KIAA1217: variants seen among roughly 807,000 people sequenced by gnomAD.
KIAA1217 encodes the protein sickle tail protein homolog.
A neutral mutation model predicts 163.9 loss-of-function variants in KIAA1217; 88 were observed. The ratio of observed to expected loss-of-function variants is 0.54; its 90% confidence interval spans 0.45 to 0.64. The LOEUF (loss-of-function observed/expected upper bound fraction) is 0.64, where lower values mean the gene tolerates loss of function less well. Ranked by LOEUF, KIAA1217 falls within the 30% of genes least tolerant of loss-of-function variation. The pLI, the probability that KIAA1217 is intolerant of heterozygous loss-of-function variation, is 0.00. For missense variants in KIAA1217, 2,372 were observed against 2,475.0 expected (o/e 0.96, Z 0.88); for synonymous variants, 903 against 923.1 (o/e 0.98, Z 0.39).
At chr10:24,507,271 A>G (rs2068495593) in intron 9 of KIAA1217, among the ~76,000 whole-genome samples, 1 of 152,228 alleles carries the variant, frequency 6.6e-6, no homozygotes, top group African/African-American at 2.4e-5. Context: ...CATGCCCAAT[A>G]TCCACTCAAA....
intron 1 of KIAA1217, among the ~76,000 whole-genome samples, chr10:23,795,897 T>C (rs1480716132): frequency 6.6e-6 from 1 of 152,244 alleles, no homozygotes; most frequent in African/African-American, 2.4e-5. Flanking sequence ...CCAAAACACC[T>C]TGTGACTCTG....
intron 1 of KIAA1217, among the ~76,000 whole-genome samples, chr10:23,850,169 C>T (rs1275846123): frequency 6.6e-6 from 1 of 152,054 alleles, no homozygotes; most frequent in Admixed American, 6.6e-5. Flanking sequence ...ATTGTTCTAA[C>T]ATACAGGATC....
At chr10:24,384,531 CAA>C in intron 3 of KIAA1217, among the ~76,000 whole-genome samples, 1 of 152,116 alleles carries the variant, frequency 6.6e-6, no homozygotes, top group Non-Finnish European at 1.5e-5. Flanking sequence ...TGGATTTGGA[CAA>C]AGAGGCTGTC....
At chr10:24,290,794 G>A (rs2079018313) in intron 2 of KIAA1217, among the ~76,000 whole-genome samples, 11 of 151,900 alleles carry the variant, frequency 7.2e-5, no homozygotes, top group Admixed American at 7.2e-4. Context: ...GTGAGACAGG[G>A]TTTCACCATG....
At chr10:24,529,214 G>A (rs1162515629) in intron 14 of KIAA1217, among the ~76,000 whole-genome samples, 1 of 152,022 alleles carries the variant, frequency 6.6e-6, no homozygotes, top group Non-Finnish European at 1.5e-5. Flanking sequence ...TTAGTTCCAG[G>A]ACTCCCATTG....
intron 2 of KIAA1217, among the ~76,000 whole-genome samples, chr10:24,362,983 A>G (rs1437387480): frequency 6.6e-6 from 1 of 152,102 alleles, no homozygotes; most frequent in Non-Finnish European, 1.5e-5. Context: ...TTTGTGAACA[A>G]AAGTGGAACT....
At chr10:24,370,633 A>G (rs967751347) in intron 2 of KIAA1217, among the ~76,000 whole-genome samples, 3 of 152,160 alleles carry the variant, frequency 2.0e-5, no homozygotes, top group African/African-American at 7.2e-5. Flanking sequence ...GCTGGAGTAC[A>G]GTGGCATGAT....
At chr10:23,858,133 G>A (rs1041490339) in intron 1 of KIAA1217, among the ~76,000 whole-genome samples, 2 of 151,946 alleles carry the variant, frequency 1.3e-5, no homozygotes, top group African/African-American at 4.8e-5. Context: ...CTCAAGAAAC[G>A]GGAGCCAAGG....
At position 24,524,735 on chromosome 10, in the gene KIAA1217, A is replaced by G; in HGVS notation, c.2869A>G (p.Ser957Gly). 6.2e-7 allele frequency: 1 copy of G among 1,606,346 alleles called. No homozygotes were observed. The highest frequency in any genetic ancestry group is 1.1e-5 in the South Asian group (1 of 90,432). Residue 957 changes from serine (S) to glycine (G), a missense_variant, in exon 13 of 21, where the codon AGT becomes GGT. Physicochemically the swap from Ser to Gly is moderately conservative, Grantham distance 56 (BLOSUM62 0). Coordinates refer to ENST00000376454, the MANE Select transcript of KIAA1217 (RefSeq NM_019590.5). ...GTTCATTGAAGAAATCCACAGTGTG[A>G]GTGCCAAGAACAGGGCAGTGTCTAT... ...SLFIEEIHSV[S>G]AKNRAVSIEK...
At chr10:24,528,680 A>G (rs1166428269) in intron 14 of KIAA1217, among the ~76,000 whole-genome samples, 1 of 152,122 alleles carries the variant, frequency 6.6e-6, no homozygotes, top group African/African-American at 2.4e-5. Flanking sequence ...CTGTGTTAGG[A>G]TTCTAGAATA....
chr10:23,799,353 G>T (rs1017709288), intron 1 of KIAA1217, among the ~76,000 whole-genome samples: 2 of 152,260 alleles, frequency 1.3e-5, no homozygotes, highest in Admixed American at 1.3e-4. Flanking sequence ...TTTGAAATCA[G>T]AGTTTTTATT....
chr10:23,841,304 G>A (rs1838768918), intron 1 of KIAA1217, among the ~76,000 whole-genome samples: 1 of 152,176 alleles, frequency 6.6e-6, no homozygotes, highest in Non-Finnish European at 1.5e-5. Context: ...AACAACAACT[G>A]TAAAGACCCT....
rs548031833 is a variant in KIAA1217 at position 23,920,700 on chromosome 10, C to T, written c.-320-86525C>T. On this transcript the variant is annotated intron_variant, in intron 1 of 18. Transcript: ENST00000376462. ...CAGGGACTTCTCTGTCTCAAGATGG[C>T]CCAGTCAGTCCACTGATAGCTCTAA... is the stretch of plus-strand genomic sequence containing the variant. 2.0e-5 allele frequency among the ~76,000 whole-genome samples: 3 copies of T among 152,220 alleles called. No homozygotes were observed. In the South Asian group the frequency reaches 6.2e-4, roughly 32 times the overall value.
intron 6 of KIAA1217, among the ~76,000 whole-genome samples, chr10:24,484,785 G>T (rs2065177315): frequency 6.6e-6 from 1 of 152,094 alleles, no homozygotes; most frequent in Admixed American, 6.6e-5. Context: ...TTGTGTACTG[G>T]ACAGTTTTCT....
chr10:23,893,235 G>A (rs950369826), intron 1 of KIAA1217, among the ~76,000 whole-genome samples: 3 of 152,032 alleles, frequency 2.0e-5, no homozygotes, highest in East Asian at 2.0e-4. Flanking sequence ...TGTATGTGTC[G>A]AGGAATTTAT....
intron 1 of KIAA1217, among the ~76,000 whole-genome samples, chr10:23,790,596 C>CAT (rs1249554785): frequency 5.5e-5 from 6 of 108,774 alleles, no homozygotes; most frequent in African/African-American, 3.3e-4. Context: ...TACATATATA[C>CAT]ATGTACATAT....
At chr10:24,103,213 C>T (rs532567434) in intron 2 of KIAA1217, among the ~76,000 whole-genome samples, 2 of 152,000 alleles carry the variant, frequency 1.3e-5, no homozygotes, top group East Asian at 3.9e-4. Flanking sequence ...ACAACACATA[C>T]AATAAAAAAA....
At chr10:23,787,341 G>A (rs970012506) in intron 1 of KIAA1217, among the ~76,000 whole-genome samples, 1 of 152,154 alleles carries the variant, frequency 6.6e-6, no homozygotes, top group African/African-American at 2.4e-5. Flanking sequence ...TGGCTGGTAT[G>A]AGGCTAGGTA....
At position 24,473,514 on chromosome 10, in the gene KIAA1217, A is replaced by T. The variant is rs1032715715; in HGVS notation, c.1133A>T (p.Asp378Val). The change falls in exon 6 of 21, where the codon GAC (aspartate) becomes GTC (valine). Residue 378 changes from aspartate to valine, a missense_variant. Coordinates refer to ENST00000376454, the MANE Select transcript of KIAA1217 (RefSeq NM_019590.5). ...LERRDVKPDE[D>V]MSGKNIAMYR... ...AGAAGAGATGTCAAGCCTGATGAAG[A>T]CATGAGTGGCAAAAACATTGCAATG... 2 of 1,614,048 alleles carry T rather than the reference A, an allele frequency of 1.2e-6. No individual in the cohort carries two copies. Among genetic ancestry groups the T allele is most frequent in the Non-Finnish European group, 1.7e-6 (2 of 1,180,036 alleles).
Sources: allele counts gnomAD v4.1 joint callset (sites outside exome capture counted in the v4.1 genomes callset), GRCh38; gene constraint gnomAD v4.1.1; transcripts MANE v1.5; gene names NCBI Gene and HGNC (gene_info 2026-07-23, HGNC 2026-07-21).